The following GSE1 variants were observed in gnomAD, a reference collection of about 807,000 sequenced individuals.
GSE1 encodes the protein genetic suppressor element 1.
In GSE1, 32 loss-of-function variants were observed where a neutral mutation model predicts 112.6. The ratio of observed to expected loss-of-function variants is 0.28; its 90% CI spans 0.21 to 0.38. GSE1 has a LOEUF of 0.38. Ranked by LOEUF, GSE1 falls within the 10% of genes least tolerant of loss-of-function variation. GSE1 has a pLI of 1.00. For synonymous variants in GSE1, 1,115 were observed against 735.6 expected (o/e 1.52, Z -8.35); for missense variants, 2,348 against 1,699.2 (o/e 1.38, Z -6.71).
chr16:85,616,826 T>C (rs2048400290), intron 1 of GSE1, among the ~76,000 whole-genome samples: 1 of 151,928 alleles, frequency 6.6e-6, no homozygotes, highest in African/African-American at 2.4e-5. Flanking sequence ...CGTTTCGGAG[T>C]GTCGCTGTCA....
intron 1 of GSE1, among the ~76,000 whole-genome samples, chr16:85,589,818 G>A (rs1000118124): frequency 3.5e-5 from 5 of 144,456 alleles, no homozygotes; most frequent in Non-Finnish European, 7.4e-5. Context: ...GAATGTGAGT[G>A]TGAATATGTG....
chr16:85,510,366 C>G (rs2051695143), intron 2 of GSE1, among the ~76,000 whole-genome samples: 1 of 152,020 alleles, frequency 6.6e-6, no homozygotes, highest in African/African-American at 2.4e-5. Context: ...CCTGGGCTCA[C>G]CCACCGCTTC....
chr16:85,203,863 G>C (rs186975671), intron 1 of GSE1, among the ~76,000 whole-genome samples: 7 of 152,156 alleles, frequency 4.6e-5, no homozygotes, highest in Non-Finnish European at 8.8e-5. Context: ...TCAGCCTCCT[G>C]AGTAGCTGGG....
At chr16:85,433,853 C>T (rs1282598701) in intron 2 of GSE1, among the ~76,000 whole-genome samples, 1 of 150,162 alleles carries the variant, frequency 6.7e-6, no homozygotes, top group Non-Finnish European at 1.5e-5. Flanking sequence ...GTTGGTTGTA[C>T]AGATGGATGG....
chr16:85,180,182 T>A (rs2074552914), intron 1 of GSE1, among the ~76,000 whole-genome samples: 1 of 152,188 alleles, frequency 6.6e-6, no homozygotes, highest in Non-Finnish European at 1.5e-5. Context: ...AATCGGTTGC[T>A]GGATTGGGCT....
chr16:85,500,998 GTTTTTTTT>G (rs55650214), intron 2 of GSE1, among the ~76,000 whole-genome samples: 1 of 64,826 alleles, frequency 1.5e-5, no homozygotes, highest in Middle Eastern at 0.026. Flanking sequence ...GGCCTGTTCT[GTTTTTTTT>G]TTTTTTTTTT....
At chr16:85,456,539 A>G (rs985565484) in intron 2 of GSE1, among the ~76,000 whole-genome samples, 21 of 148,336 alleles carry the variant, frequency 1.4e-4, no homozygotes, top group Admixed American at 1.2e-3. Flanking sequence ...GCAAATCCCC[A>G]AGCACCCTGA....
intron 1 of GSE1, among the ~76,000 whole-genome samples, chr16:85,215,888 G>A (rs2075300025): frequency 6.6e-6 from 1 of 152,216 alleles, no homozygotes. Context: ...ACAGGATCAG[G>A]TTGTTGGCTG....
chr16:85,173,066 T>C lies in GSE1; in HGVS notation c.2283+1259T>C, dbSNP rs2074390064. 2.6e-5 allele frequency among the ~76,000 whole-genome samples: 4 copies of C among 152,350 alleles called. No homozygotes were observed. The South Asian group carries it at 8.3e-4, about 32-fold the overall frequency. ...GCACGTCGTCTCCCGTCACAGATGC[T>C]GAAGCTCTCCTCTTCGGCATATAGC... is the stretch of plus-strand genomic sequence containing the variant. On this transcript the variant is annotated intron_variant, in intron 1 of 2. Transcript: ENST00000637419.
At chr16:85,388,899 T>TG (rs1329575549) in intron 2 of GSE1, among the ~76,000 whole-genome samples, 1 of 152,098 alleles carries the variant, frequency 6.6e-6, no homozygotes. Context: ...TGTGGTTAGA[T>TG]GGGGAATCCC....
At chr16:85,666,433 C>A in intron 13 of GSE1, 86 bp downstream of exon 13, 1 of 1,287,084 alleles carries the variant, frequency 7.8e-7, no homozygotes, top group Non-Finnish European at 1.1e-6. Flanking sequence ...CTCAGCCGTT[C>A]AGCCGTGGGC....
chr16:85,638,425 C>T (rs775756327), intron 2 of GSE1, among the ~76,000 whole-genome samples: 56 of 152,234 alleles, frequency 3.7e-4, no homozygotes, highest in Non-Finnish European at 6.8e-4. Context: ...GAGGCTGGGG[C>T]GCTTTGGGCA....
chr16:85,492,026 T>C (rs1429797818), intron 2 of GSE1, among the ~76,000 whole-genome samples: 1 of 152,066 alleles, frequency 6.6e-6, no homozygotes, highest in Admixed American at 6.5e-5. Flanking sequence ...ACCGAGGTGC[T>C]GGGAAGCTGA....
chr16:85,607,675 G>T (rs2047770109), upstream of GSE1, among the ~76,000 whole-genome samples: 1 of 152,168 alleles, frequency 6.6e-6, no homozygotes, highest in Admixed American at 6.5e-5. Context: ...AGCATCCCTG[G>T]CGAATCTGGT....
intron 2 of GSE1, among the ~76,000 whole-genome samples, chr16:85,432,334 G>A (rs1037128515): frequency 2.6e-5 from 4 of 152,198 alleles, no homozygotes; most frequent in East Asian, 1.9e-4. Context: ...AGTCAAGTCC[G>A]TATTGAAGTG....
chr16:85,589,532 C>G (rs528468152), intron 1 of GSE1, among the ~76,000 whole-genome samples: 1 of 152,180 alleles, frequency 6.6e-6, no homozygotes, highest in African/African-American at 2.4e-5. Flanking sequence ...CGGGGGGTCC[C>G]TGGTATTTGT....
chr16:85,566,818 G>T (rs2045769182), intron 1 of GSE1, among the ~76,000 whole-genome samples: 1 of 152,326 alleles, frequency 6.6e-6, no homozygotes, highest in Non-Finnish European at 1.5e-5. Flanking sequence ...GAGAAAGGGG[G>T]GCCGGCAGGG....
intron 2 of GSE1, among the ~76,000 whole-genome samples, chr16:85,646,615 A>G (rs1306594228): frequency 6.6e-6 from 1 of 152,124 alleles, no homozygotes. Flanking sequence ...GGCCTGTGTC[A>G]GGGAAGGGGG....
chr16:85,632,420 C>T (rs532591497), intron 1 of GSE1, among the ~76,000 whole-genome samples: 83 of 152,286 alleles, frequency 5.5e-4, no homozygotes, highest in Admixed American at 1.3e-3. Flanking sequence ...TTATTTTCTC[C>T]CTACGTCCCC....
Sources: allele counts gnomAD v4.1 joint callset (sites outside exome capture counted in the v4.1 genomes callset), GRCh38; gene constraint gnomAD v4.1.1; transcripts MANE v1.5; gene names NCBI Gene and HGNC (gene_info 2026-07-23, HGNC 2026-07-21).